The following GRIK5 variants were observed in gnomAD, a reference collection of about 807,000 sequenced individuals.
GRIK5 encodes the protein glutamate ionotropic receptor kainate type subunit 5.
GRIK5 carries 43 observed loss-of-function variants against 97.4 expected under a neutral mutation model. The ratio of observed to expected loss-of-function variants is 0.44; its 90% CI spans 0.35 to 0.57. The LOEUF is 0.57. Ranked by LOEUF, GRIK5 falls within the 20% of genes least tolerant of loss-of-function variation. The pLI is 0.01. For missense variants in GRIK5, 1,015 were observed against 1,382.0 expected (o/e 0.73, Z 4.21); for synonymous variants, 580 against 583.5 (o/e 0.99, Z 0.09).
At position 42,022,204 on chromosome 19, in the gene GRIK5, C is replaced by A. The variant is rs200695296; in HGVS notation, c.1587+37G>T. On this transcript the variant is annotated intron_variant, in intron 13 of 19. Transcript: ENST00000593562. This position sits in a 1 kb window ranked among gnomAD's most constrained non-coding sequence, Gnocchi z 4.2. ...CACTCGCAGGCCCTGAGCCTCCATG[C>A]CAGGCAAGCAGCCCATGGTCTCCAG... is the stretch of plus-strand genomic sequence containing the variant. The A allele has an allele frequency of 1.9e-5, 29 of 1,533,318 alleles. No individual in the cohort carries two copies. The East Asian group carries it at 6.5e-4, about 34-fold the overall frequency. The allele number at this position is 1,533,318 out of a possible 1,614,324, so 95.0% of individuals were successfully genotyped here.
chr19:42,038,165 G>A (rs1311670465), intron 12 of GRIK5, among the ~76,000 whole-genome samples: 1 of 152,220 alleles, frequency 6.6e-6, no homozygotes, highest in African/African-American at 2.4e-5. Flanking sequence ...GGGGAGTGGA[G>A]AGACTAGAAG....
chr19:42,037,375 C>T (rs1568908666), intron 12 of GRIK5, among the ~76,000 whole-genome samples: 1 of 152,198 alleles, frequency 6.6e-6, no homozygotes, highest in Non-Finnish European at 1.5e-5. Flanking sequence ...AGGAAAATCG[C>T]TTGAACCCTG....
intron 8 of GRIK5, 124 bp downstream of exon 8, chr19:42,056,538 C>T (rs1383503549): frequency 2.6e-6 from 2 of 765,628 alleles, no homozygotes; most frequent in Non-Finnish European, 4.3e-6. Context: ...ATCACAAGGC[C>T]ACACCACGAG....
intron 6 of GRIK5, among the ~76,000 whole-genome samples, chr19:42,058,552 G>GTAT (rs1234858043): frequency 6.7e-6 from 1 of 150,322 alleles, no homozygotes; most frequent in African/African-American, 2.4e-5. Context: ...TATTGGCCGG[G>GTAT]TGTGGTGGCT....
intron 12 of GRIK5, among the ~76,000 whole-genome samples, chr19:42,031,712 C>T (rs2075843163): frequency 1.3e-5 from 2 of 152,196 alleles, no homozygotes; most frequent in African/African-American, 4.8e-5. Flanking sequence ...TGTAGTCTTT[C>T]TGGAAAATAA....
At position 42,065,359 on chromosome 19, in the gene GRIK5, A is replaced by G. The variant is rs1274254032; in HGVS notation, c.108T>C (p.Cys36=). 1 of 1,600,872 alleles carries G rather than the reference A, an allele frequency of 6.2e-7. No individual in the cohort carries two copies. ...CCAAGGCCAGACGCTCACCGCGGCC[A>G]CACACTGTCTGATCATCCAGGATTG... The part of the protein sequence containing the change: ...MAAILDDQTV[C]GRGERLALAL... Residue 36 remains cysteine, a synonymous_variant, in exon 3 of 20, where the codon TGT becomes TGC. Transcript: ENST00000593562. This position sits in a 1 kb window ranked among gnomAD's most constrained non-coding sequence, Gnocchi z 5.8.
intron 15 of GRIK5, among the ~76,000 whole-genome samples, chr19:42,010,242 A>G (rs2075545740): frequency 6.6e-6 from 1 of 151,978 alleles, no homozygotes; most frequent in Admixed American, 6.6e-5. Flanking sequence ...AGGGATAACC[A>G]AAAAAAAGTC....
chr19:42,029,177 C>T (rs2146073626), intron 12 of GRIK5, among the ~76,000 whole-genome samples: 1 of 152,130 alleles, frequency 6.6e-6, no homozygotes, highest in Non-Finnish European at 1.5e-5. Context: ...AAGCAATTCT[C>T]CTGCCTCACC....
chr19:42,068,258 G>A (rs2076367944), intron 1 of GRIK5, among the ~76,000 whole-genome samples: 1 of 152,136 alleles, frequency 6.6e-6, no homozygotes, highest in African/African-American at 2.4e-5. Context: ...GCACCTGCAG[G>A]AGAGGCCAGA....
chr19:42,053,998 G>GT (rs2076149659), intron 9 of GRIK5, 69 bp from the exon 10 acceptor site: 1 of 1,023,418 alleles, frequency 9.8e-7, no homozygotes, highest in African/African-American at 1.6e-5. Flanking sequence ...AAGGCCCAAC[G>GT]TGGTGAGACA....
intron 19 of GRIK5, among the ~76,000 whole-genome samples, chr19:42,001,502 T>C (rs551141005): frequency 3.9e-5 from 6 of 152,338 alleles, no homozygotes; most frequent in African/African-American, 1.4e-4. Flanking sequence ...GTGCTTGGAT[T>C]ACAGGCGTGA....
At position 42,062,867 on chromosome 19, in the gene GRIK5, G is replaced by A. The variant is rs761280531; in HGVS notation, c.245-12C>T. 5 of 1,601,574 alleles carry A rather than the reference G, an allele frequency of 3.1e-6. No homozygotes were observed. The highest frequency in any genetic ancestry group is 1.3e-5 in the African/African-American group (1 of 74,700). ...TAAGATCTGACACACTGCGTGGGAA[G>A]GGGAAGAGACCGCAGAGTCAGGGAC... On this transcript the variant is annotated splice_polypyrimidine_tract_variant and intron_variant, in intron 3 of 19. Transcript: ENST00000593562. The surrounding 1 kb of genome is among the most constrained non-coding windows in gnomAD (Gnocchi z 5.3).
intron 16 of GRIK5, 41 bp from the exon 17 acceptor site, chr19:42,005,989 C>G (rs782446822): frequency 3.9e-5 from 39 of 995,950 alleles, no homozygotes; most frequent in Non-Finnish European, 5.9e-5. Flanking sequence ...GAGGGTCTTT[C>G]CAGCCGCTTC....
intron 5 of GRIK5, among the ~76,000 whole-genome samples, chr19:42,060,535 T>G (rs945414532): frequency 4.0e-5 from 6 of 151,246 alleles, no homozygotes; most frequent in South Asian, 2.1e-4. Context: ...AATAGCCTAA[T>G]ATCAAGAGCC....
intron 15 of GRIK5, among the ~76,000 whole-genome samples, chr19:42,012,813 G>A (rs1481123671): frequency 1.3e-5 from 2 of 151,212 alleles, no homozygotes; most frequent in Non-Finnish European, 2.9e-5. Context: ...GCTGCAGTGA[G>A]CCAAGATTGT....
At chr19:42,058,017 C>A (rs1281305184) in intron 6 of GRIK5, among the ~76,000 whole-genome samples, 2 of 152,146 alleles carry the variant, frequency 1.3e-5, no homozygotes, top group African/African-American at 4.8e-5. Context: ...AGGGAAGAGA[C>A]AACTGTTCAC....
At position 42,053,877 on chromosome 19, in the gene GRIK5, C is replaced by T; in HGVS notation, c.1109G>A (p.Arg370Lys). Reference sequence around the variant, plus strand: ...TAGGATGCGCAGGGTGTAGTTGGTTCTCTGCCCTTTGCTGTTGAACTCGAC... The same window carrying T: ...TAGGATGCGCAGGGTGTAGTTGGTTTTCTGCCCTTTGCTGTTGAACTCGAC... ...GRVEFNSKGQRTNYTLRILEK... is the reference protein window; with the variant it reads ...GRVEFNSKGQKTNYTLRILEK... The change falls in exon 10 of 20, where the codon AGA (arginine) becomes AAA (lysine). Residue 370 changes from arginine to lysine, a missense_variant. Physicochemically the swap from Arg to Lys is conservative, Grantham distance 26 (BLOSUM62 2). Coordinates refer to ENST00000593562, the MANE Select transcript of GRIK5 (RefSeq NM_002088.5). The T allele has an allele frequency of 6.2e-7, 1 of 1,614,054 alleles. No individual in the cohort carries two copies. Among genetic ancestry groups the T allele is most frequent in the Non-Finnish European group, 8.5e-7 (1 of 1,179,974 alleles).
intron 15 of GRIK5, among the ~76,000 whole-genome samples, chr19:42,019,347 C>A (rs1011926363): frequency 6.6e-6 from 1 of 152,198 alleles, no homozygotes; most frequent in Non-Finnish European, 1.5e-5. Context: ...TTCACCTCCT[C>A]AGGGGACCCT....
intron 15 of GRIK5, among the ~76,000 whole-genome samples, chr19:42,011,497 G>T (rs1362576010): frequency 6.6e-6 from 1 of 150,746 alleles, no homozygotes; most frequent in Non-Finnish European, 1.5e-5. Flanking sequence ...AGCTTGCAGT[G>T]AGCCGAGATC....
Sources: allele counts gnomAD v4.1 joint callset (sites outside exome capture counted in the v4.1 genomes callset), GRCh38; gene constraint gnomAD v4.1.1; non-coding constraint Gnocchi (gnomAD v3.1); transcripts MANE v1.5; gene names NCBI Gene and HGNC (gene_info 2026-07-23, HGNC 2026-07-21).